Variants in PBX1 observed in about 807,000 individuals in gnomAD.
The protein encoded by PBX1 is pre-B-cell leukemia transcription factor 1.
Under a neutral mutation model 53.4 loss-of-function variants are expected in PBX1, and 6 were observed. That is an observed-to-expected ratio of 0.11 (90% confidence interval 0.06 to 0.22). The LOEUF is 0.22. Among genes scored for constraint, PBX1 ranks in the 10% least tolerant of loss-of-function variants. PBX1 has a pLI of 1.00. For missense variants in PBX1, 251 were observed against 551.4 expected, an observed-to-expected ratio of 0.46 and a Z score of 5.46; for synonymous variants, 204 against 212.3, an observed-to-expected ratio of 0.96 and a Z score of 0.34.
intron 2 of PBX1, among the ~76,000 whole-genome samples, chr1:164,778,807 C>T (rs1667793715): frequency 6.6e-6 from 1 of 152,280 alleles, no homozygotes; most frequent in East Asian, 1.9e-4. Context: ...CTGCCAGCTG[C>T]TACTTGGGGT....
At chr1:164,588,240 A>G (rs1655089718) in intron 2 of PBX1, among the ~76,000 whole-genome samples, 6 of 152,180 alleles carry the variant, frequency 3.9e-5, no homozygotes, top group Admixed American at 2.6e-4. Context: ...CACAATAGAA[A>G]AATCAATAGT....
chr1:164,745,942 C>A (rs888696054), intron 2 of PBX1, among the ~76,000 whole-genome samples: 1 of 152,132 alleles, frequency 6.6e-6, no homozygotes, highest in Non-Finnish European at 1.5e-5. Context: ...TTCCTATTGG[C>A]CCCCTCCATA....
chr1:164,878,078 T>G (rs1246919331), intron 2 of PBX1, among the ~76,000 whole-genome samples: 1 of 152,204 alleles, frequency 6.6e-6, no homozygotes, highest in African/African-American at 2.4e-5. Context: ...TTTAGAGACA[T>G]AAACACTTAG....
At chr1:164,858,447 G>GCA (rs4035257) in intron 2 of PBX1, among the ~76,000 whole-genome samples, 10,898 of 148,494 alleles carry the variant, frequency 0.073, 584 homozygotes, top group African/African-American at 0.16. Context: ...CCCAGAGCCA[G>GCA]CACACACACA....
intron 2 of PBX1, among the ~76,000 whole-genome samples, chr1:164,624,980 CTT>C (rs1657942132): frequency 6.6e-6 from 1 of 152,112 alleles, no homozygotes; most frequent in Non-Finnish European, 1.5e-5. Flanking sequence ...CTTCCAATGA[CTT>C]ATTATAAATT....
chr1:164,757,398 G>C (rs949666887), intron 2 of PBX1, among the ~76,000 whole-genome samples: 1 of 152,098 alleles, frequency 6.6e-6, no homozygotes, highest in Admixed American at 6.5e-5. Flanking sequence ...TATTGAAGTC[G>C]TATCTATTCA....
chr1:164,566,040 T>C (rs1013807529), intron 2 of PBX1, among the ~76,000 whole-genome samples: 2 of 152,146 alleles, frequency 1.3e-5, no homozygotes, highest in African/African-American at 2.4e-5. Flanking sequence ...GGTAATTGCA[T>C]TGATTTGTTA....
chr1:164,844,538 G>T (rs1038623581), intron 8 of PBX1, among the ~76,000 whole-genome samples: 6 of 152,268 alleles, frequency 3.9e-5, no homozygotes, highest in African/African-American at 1.4e-4. Context: ...TTTTCCCCAA[G>T]TAGTAGGATT....
At chr1:164,635,578 C>T (rs961554659) in intron 2 of PBX1, among the ~76,000 whole-genome samples, 11 of 152,352 alleles carry the variant, frequency 7.2e-5, no homozygotes, top group East Asian at 1.9e-4. Flanking sequence ...GCGCGGGCTG[C>T]GCCATTCTCC....
intron 2 of PBX1, among the ~76,000 whole-genome samples, chr1:164,604,898 CAAAT>C (rs1369543023): frequency 1.3e-5 from 2 of 151,606 alleles, no homozygotes; most frequent in Non-Finnish European, 2.9e-5. Context: ...AGTAAATAAA[CAAAT>C]AAAAGTAAAG....
At chr1:164,805,020 T>C (rs1669276700) in intron 4 of PBX1, among the ~76,000 whole-genome samples, 1 of 152,134 alleles carries the variant, frequency 6.6e-6, no homozygotes, top group Admixed American at 6.5e-5. Context: ...ACAAATTTGA[T>C]AGTTAGCAGT....
intron 2 of PBX1, chr1:164,674,846 A>AGC (rs1318874660): frequency 3.5e-3 from 18 of 5,206 alleles, no homozygotes; most frequent in African/African-American, 9.4e-3. Flanking sequence ...AAGAAATCAC[A>AGC]GCCCCCCCCC....
intron 2 of PBX1, among the ~76,000 whole-genome samples, chr1:164,756,903 A>AG (rs1482619908): frequency 6.6e-6 from 1 of 152,270 alleles, no homozygotes; most frequent in Non-Finnish European, 1.5e-5. Flanking sequence ...CTAGATAAGG[A>AG]GAAAAAAATG....
intron 2 of PBX1, among the ~76,000 whole-genome samples, chr1:164,678,721 G>A (rs1445435975): frequency 6.6e-6 from 1 of 152,158 alleles, no homozygotes; most frequent in Non-Finnish European, 1.5e-5. Flanking sequence ...TAAAGAAGAA[G>A]GTGATAGATT....
At chr1:164,751,845 G>A (rs1666243269) in intron 2 of PBX1, among the ~76,000 whole-genome samples, 1 of 151,822 alleles carries the variant, frequency 6.6e-6, no homozygotes, top group Admixed American at 6.6e-5. Flanking sequence ...GCCTCCCAAA[G>A]TGCTGGGATT....
At chr1:164,797,805 T>C (rs187396892) in intron 3 of PBX1, among the ~76,000 whole-genome samples, 15 of 152,316 alleles carry the variant, frequency 9.8e-5, no homozygotes, top group African/African-American at 3.6e-4. Context: ...TACTACACCT[T>C]ATCAGGTAGG....
intron 2 of PBX1, among the ~76,000 whole-genome samples, chr1:164,735,912 G>A (rs939426494): frequency 2.6e-5 from 4 of 152,188 alleles, no homozygotes; most frequent in Non-Finnish European, 5.9e-5. Context: ...AGCTGAGAGA[G>A]CAGTAGCCAC....
intron 2 of PBX1, among the ~76,000 whole-genome samples, chr1:164,742,872 A>G (rs1665685088): frequency 6.6e-6 from 1 of 152,218 alleles, no homozygotes; most frequent in African/African-American, 2.4e-5. Context: ...TGCTAGAGGC[A>G]TGGCTTCTGA....
At chr1:164,604,436 A>G (rs1656413984) in intron 2 of PBX1, among the ~76,000 whole-genome samples, 1 of 152,150 alleles carries the variant, frequency 6.6e-6, no homozygotes, top group Admixed American at 6.5e-5. Flanking sequence ...ACATTCATTC[A>G]TTTGTGCATT....
Sources: allele counts gnomAD v4.1 joint callset (sites outside exome capture counted in the v4.1 genomes callset), GRCh38; gene constraint gnomAD v4.1.1; transcripts MANE v1.5; gene names NCBI Gene and HGNC (gene_info 2026-07-23, HGNC 2026-07-21).